The following CYRIA variants were observed in gnomAD, a reference collection of about 807,000 sequenced individuals.
CYRIA encodes the protein CYFIP-related Rac1 interactor A.
A neutral mutation model predicts 43.9 loss-of-function variants in CYRIA; 15 were observed. That is an observed-to-expected ratio of 0.34 (90% CI 0.23 to 0.53). The LOEUF is 0.53. Ranked by LOEUF, CYRIA falls within the 20% of genes least tolerant of loss-of-function variation. CYRIA has a pLI of 0.94. For missense variants in CYRIA, 236 were observed against 394.2 expected, an observed-to-expected ratio of 0.60 and a Z score of 3.40; for synonymous variants, 117 against 136.0, an observed-to-expected ratio of 0.86 and a Z score of 0.97.
At chr2:16,575,607 G>C (rs1667305286) in intron 3 of CYRIA, among the ~76,000 whole-genome samples, 1 of 152,098 alleles carries the variant, frequency 6.6e-6, no homozygotes, top group South Asian at 2.1e-4. Context: ...TGTAATCCCA[G>C]CACTTTGGGA....
intron 3 of CYRIA, among the ~76,000 whole-genome samples, chr2:16,583,855 T>G (rs1044814459): frequency 1.3e-5 from 2 of 152,194 alleles, no homozygotes; most frequent in African/African-American, 4.8e-5. Context: ...ACAAAGTATA[T>G]AGAATGCACT....
chr2:16,553,491 C>G (rs193181096), intron 11 of CYRIA, among the ~76,000 whole-genome samples: 17 of 152,138 alleles, frequency 1.1e-4, no homozygotes, highest in Non-Finnish European at 8.8e-5. Context: ...TCCCAATAGC[C>G]GGGTGTAGAA....
chr2:16,632,953 G>C (rs962785539), intron 1 of CYRIA, among the ~76,000 whole-genome samples: 4 of 152,122 alleles, frequency 2.6e-5, no homozygotes, highest in African/African-American at 9.7e-5. Flanking sequence ...CTGCAGGAGG[G>C]GGGTGCACAC....
chr2:16,561,368 C>A, intron 7 of CYRIA, 88 bp downstream of exon 7: 1 of 1,485,038 alleles, frequency 6.7e-7, no homozygotes, highest in Non-Finnish European at 9.4e-7. Context: ...CAGACAAGGA[C>A]ATTGTCTTCT....
At chr2:16,569,063 T>C (rs1667042204) in intron 3 of CYRIA, among the ~76,000 whole-genome samples, 1 of 152,214 alleles carries the variant, frequency 6.6e-6, no homozygotes. Flanking sequence ...AAAAAGGTAC[T>C]GGCACTAGAG....
intron 2 of CYRIA, among the ~76,000 whole-genome samples, chr2:16,588,659 AG>A (rs1475679348): frequency 6.6e-6 from 1 of 152,098 alleles, no homozygotes; most frequent in Admixed American, 6.6e-5. Context: ...TGTCCAAAAA[AG>A]TAAGTTCCTG....
chr2:16,606,418 T>C (rs1044303380), intron 2 of CYRIA, among the ~76,000 whole-genome samples: 1 of 151,902 alleles, frequency 6.6e-6, no homozygotes, highest in Non-Finnish European at 1.5e-5. Context: ...CTCCTCCCAC[T>C]CTTATATTGG....
chr2:16,559,637 G>T lies in CYRIA; in HGVS notation c.711-51C>A, dbSNP rs376318400. ...GTCACTTCCTTGTCAGAACATGTGC[G>T]TTCTTTGGCCCCACAACTGGATACT... On this transcript the variant is annotated intron_variant, in intron 9 of 11. Coordinates refer to ENST00000381323, the MANE Select transcript of CYRIA (RefSeq NM_030797.4). 34 of 1,588,086 alleles carry T rather than the reference G, an allele frequency of 2.1e-5. No individual in the cohort carries two copies. In the African/African-American group the frequency reaches 3.9e-4, roughly 18 times the overall value.
rs954997706 is a variant in CYRIA, at chr2:16,549,865, G to A, written c.*3071C>T. The A allele has an allele frequency of 3.3e-5, 5 of 152,016 alleles. No individual in the cohort carries two copies. Among genetic ancestry groups the A allele is most frequent in the Admixed American group, 6.6e-5 (1 of 15,248 alleles). The allele number at this position is 152,016 out of a possible 1,614,324, so 9.4% of individuals were successfully genotyped here. A position where few individuals can be genotyped will look rare whatever the true frequency, so the allele number is the denominator to read the frequency against. ...TTACCATTAAGGTCTTAATTTAATG[G>A]TGATAACTAGGAGCAAATGTTGATC... On this transcript the variant is annotated 3_prime_UTR_variant, in exon 12 of 12. Transcript: ENST00000381323.
chr2:16,644,846 C>T (rs1169942220), intron 1 of CYRIA, among the ~76,000 whole-genome samples: 3 of 152,096 alleles, frequency 2.0e-5, no homozygotes, highest in African/African-American at 7.2e-5. Flanking sequence ...AAAATAAAGA[C>T]AGCCCTGCCC....
intron 5 of CYRIA, 144 bp downstream of exon 5, chr2:16,563,845 G>C (rs1666833629): frequency 1.7e-6 from 1 of 599,580 alleles, no homozygotes; most frequent in African/African-American, 1.9e-5. Context: ...AATGACAAGA[G>C]TTGTTGCTCA....
chr2:16,569,681 G>A (rs1355413781), intron 3 of CYRIA, among the ~76,000 whole-genome samples: 1 of 152,174 alleles, frequency 6.6e-6, no homozygotes, highest in African/African-American at 2.4e-5. Flanking sequence ...TTTCAAATGG[G>A]AAAAGAACTG....
At chr2:16,660,516 T>C (rs913752278) in intron 1 of CYRIA, among the ~76,000 whole-genome samples, 2 of 152,186 alleles carry the variant, frequency 1.3e-5, no homozygotes, top group African/African-American at 2.4e-5. Flanking sequence ...GGCCATGTGT[T>C]TCCTCCCCTG....
At chr2:16,588,003 A>C in intron 3 of CYRIA, 47 bp downstream of exon 3, 1 of 1,198,448 alleles carries the variant, frequency 8.3e-7, no homozygotes, top group Non-Finnish European at 1.2e-6. Context: ...TCAACAATCT[A>C]TAAGGAATGT....
intron 2 of CYRIA, among the ~76,000 whole-genome samples, chr2:16,614,633 G>A (rs552285365): frequency 1.3e-5 from 2 of 152,282 alleles, no homozygotes; most frequent in African/African-American, 4.8e-5. Flanking sequence ...ATTCCAACAT[G>A]AGGTCTGAGT....
intron 3 of CYRIA, among the ~76,000 whole-genome samples, chr2:16,585,231 T>A (rs34103619): frequency 0.11 from 16,958 of 151,582 alleles, 1,014 homozygotes; most frequent in Middle Eastern, 0.17. Flanking sequence ...GATAAAAAAA[T>A]TTTTTTTCCA....
rs1033813105 is a variant in CYRIA at position 16,559,388 on chromosome 2, G to C, written c.837+72C>G. ...TCAGTGGAGAGGTCCTGAGGTGCCTGAGGAAGAAAAACAAGGTCTGGCAAC... is the reference window on the plus strand; with the variant it reads ...TCAGTGGAGAGGTCCTGAGGTGCCTCAGGAAGAAAAACAAGGTCTGGCAAC... On this transcript the variant is annotated intron_variant, in intron 10 of 11. Coordinates refer to ENST00000381323, the MANE Select transcript of CYRIA (RefSeq NM_030797.4). 7 of 1,542,584 alleles carry C rather than the reference G, an allele frequency of 4.5e-6. No individual in the cohort carries two copies. In the African/African-American group the frequency reaches 8.1e-5, roughly 18 times the overall value.
chr2:16,562,186 G>C, intron 5 of CYRIA, 45 bp from the exon 6 acceptor site: 1 of 1,575,910 alleles, frequency 6.3e-7, no homozygotes, highest in Non-Finnish European at 8.6e-7. Flanking sequence ...GTGGCCCACA[G>C]AGGTCCTTCA....
chr2:16,573,620 G>A lies in CYRIA; in HGVS notation c.71-7853C>T, dbSNP rs115784963. Among the ~76,000 whole-genome samples the A allele has an allele frequency of 5.7e-3, 873 of 152,278 alleles. 17 individuals carry two copies. Among genetic ancestry groups the A allele is most frequent in the African/African-American group, 0.02 (825 of 41,532 alleles). ...GGGAGGGACCCAGTGGGAGATAATC[G>A]AATCATGGGAGCAAGTCTTTCCCAT... On this transcript the variant is annotated intron_variant, in intron 3 of 11. Transcript: ENST00000381323.
Sources: allele counts gnomAD v4.1 joint callset (sites outside exome capture counted in the v4.1 genomes callset), GRCh38; gene constraint gnomAD v4.1.1; transcripts MANE v1.5; gene names NCBI Gene and HGNC (gene_info 2026-07-23, HGNC 2026-07-21).